Variants in JHY observed in about 807,000 individuals in gnomAD.
JHY encodes jhy protein homolog.
JHY carries 69 observed loss-of-function variants against 78.0 expected under a neutral mutation model. That is an observed-to-expected ratio of 0.88 (90% CI 0.73 to 1.08). The LOEUF is 1.08. JHY is among the 50% of genes least tolerant of loss of function. The probability of loss-of-function intolerance (pLI) is 0.00; values close to 1 mark genes in which losing one functional copy is unlikely to be tolerated. For synonymous variants in JHY, 368 were observed against 342.6 expected (o/e 1.07, Z -0.82); for missense variants, 944 against 927.8 (o/e 1.02, Z -0.23).
At chr11:122,958,642 C>A in intron 8 of JHY, 2 of 781,082 alleles carry the variant, frequency 2.6e-6, no homozygotes, top group Non-Finnish European at 3.1e-6. Context: ...GTTATAAAGG[C>A]AGGTTTAGGA....
At chr11:122,957,753 C>T (rs1864223270) in intron 8 of JHY, among the ~76,000 whole-genome samples, 2 of 150,636 alleles carry the variant, frequency 1.3e-5, no homozygotes, top group African/African-American at 4.9e-5. Flanking sequence ...TTAGCTACTT[C>T]CATTCCTGTA....
At chr11:122,945,674 A>G (rs1054534814) in intron 5 of JHY, among the ~76,000 whole-genome samples, 4 of 152,236 alleles carry the variant, frequency 2.6e-5, no homozygotes, top group East Asian at 3.8e-4. Flanking sequence ...GCCAGATACT[A>G]CAGAAGTATC....
chr11:122,883,269 C>A lies in JHY; in HGVS notation c.-90+297C>A, dbSNP rs1234227432. 6.6e-6 allele frequency among the ~76,000 whole-genome samples: 1 copy of A among 152,204 alleles called. No homozygotes were observed. The highest frequency in any genetic ancestry group is 1.9e-4 in the East Asian group (1 of 5,174). ...ACTTGTCACTTCCTGGACCTCCAAACGCCCCTTGTGACAGGCCTTGTTCCT... is the reference window on the plus strand; with the variant it reads ...ACTTGTCACTTCCTGGACCTCCAAAAGCCCCTTGTGACAGGCCTTGTTCCT... On this transcript the variant is annotated intron_variant, in intron 1 of 8. Transcript: ENST00000227349. This position sits in a 1 kb window ranked among gnomAD's most constrained non-coding sequence, Gnocchi z 4.4.
chr11:122,925,556 T>C (rs897525305), intron 4 of JHY, among the ~76,000 whole-genome samples: 1 of 152,156 alleles, frequency 6.6e-6, no homozygotes, highest in Non-Finnish European at 1.5e-5. Flanking sequence ...AGGGAAGATT[T>C]TTCTGAAATT....
chr11:122,919,970 G>A (rs900819020), intron 3 of JHY, among the ~76,000 whole-genome samples: 2 of 152,212 alleles, frequency 1.3e-5, no homozygotes, highest in Non-Finnish European at 2.9e-5. Flanking sequence ...CCTCTAAACA[G>A]CTGAATAATA....
intron 6 of JHY, among the ~76,000 whole-genome samples, chr11:122,955,764 T>C (rs556136780): frequency 1.3e-5 from 2 of 152,248 alleles, no homozygotes; most frequent in Admixed American, 1.3e-4. Flanking sequence ...AATTATCTTT[T>C]CCCCCCAATA....
At chr11:122,928,901 G>A (rs1485619734) in intron 4 of JHY, among the ~76,000 whole-genome samples, 1 of 151,870 alleles carries the variant, frequency 6.6e-6, no homozygotes, top group African/African-American at 2.4e-5. Context: ...GCCCGCCTCG[G>A]CCTCCCAAAG....
chr11:122,893,100 A>G (rs779817087), intron 2 of JHY, among the ~76,000 whole-genome samples: 3 of 152,186 alleles, frequency 2.0e-5, no homozygotes, highest in Admixed American at 6.5e-5. Context: ...CCAACCTCTT[A>G]CAATACATTA....
chr11:122,941,269 T>C (rs1863869791), intron 5 of JHY, among the ~76,000 whole-genome samples: 1 of 152,210 alleles, frequency 6.6e-6, no homozygotes, highest in Non-Finnish European at 1.5e-5. Flanking sequence ...CTGAACCTCT[T>C]TCTATAATTA....
At chr11:122,958,281 C>T (rs181046620) in intron 8 of JHY, among the ~76,000 whole-genome samples, 14 of 152,308 alleles carry the variant, frequency 9.2e-5, no homozygotes, top group Non-Finnish European at 1.9e-4. Flanking sequence ...GCATGAGGAA[C>T]AAGAGATCCT....
In JHY at chr11:122,960,202, C is replaced by G. The variant is rs1183875785; in HGVS notation, c.*757C>G. The stretch of plus-strand genomic sequence containing the variant: ...TGAGCCGAGATTGTACCATTGCACT[C>G]CAGCCTGGGCAACAAAGCAAGACTC... On this transcript the variant is annotated 3_prime_UTR_variant, in exon 9 of 9. Coordinates refer to ENST00000227349, the MANE Select transcript of JHY (RefSeq NM_024806.4). 6.5e-6 allele frequency: 1 copy of G among 152,764 alleles called. No homozygotes were observed. The highest frequency in any genetic ancestry group is 1.5e-5 in the Non-Finnish European group (1 of 68,516). 9.5% of individuals were successfully genotyped at this position (152,764 alleles called of 1,614,324 possible).
At chr11:122,940,821 CTCCT>C (rs5795359) in intron 5 of JHY, among the ~76,000 whole-genome samples, 53,204 of 150,006 alleles carry the variant, frequency 0.35, 9,812 homozygotes, top group African/African-American at 0.41. Flanking sequence ...CTTCCTTTTT[CTCCT>C]TCCTTCCTTC....
chr11:122,954,346 G>A (rs1269130302), intron 6 of JHY, among the ~76,000 whole-genome samples: 2 of 152,190 alleles, frequency 1.3e-5, no homozygotes, highest in African/African-American at 4.8e-5. Context: ...GTTCAGTGCT[G>A]AGGAGAATGT....
At chr11:122,908,784 C>T (rs1414455227) in intron 3 of JHY, among the ~76,000 whole-genome samples, 5 of 152,218 alleles carry the variant, frequency 3.3e-5, no homozygotes, top group South Asian at 2.1e-4. Flanking sequence ...TTGCAGCCTC[C>T]GCCTCCCAGG....
At chr11:122,931,104 G>A (rs535893587) in intron 4 of JHY, among the ~76,000 whole-genome samples, 4 of 152,176 alleles carry the variant, frequency 2.6e-5, no homozygotes, top group African/African-American at 7.2e-5. Context: ...CTAGTCACCC[G>A]AAAAGACCCC....
At chr11:122,953,389 G>A (rs185750274) in intron 6 of JHY, among the ~76,000 whole-genome samples, 62 of 152,122 alleles carry the variant, frequency 4.1e-4, no homozygotes, top group Non-Finnish European at 7.2e-4. Context: ...GATCACCTGA[G>A]GTCAGGAGTT....
At chr11:122,950,114 G>A (rs1490274830) in intron 6 of JHY, among the ~76,000 whole-genome samples, 1 of 152,152 alleles carries the variant, frequency 6.6e-6, no homozygotes, top group Non-Finnish European at 1.5e-5. Context: ...AATTACAGGT[G>A]TGAGCCACTG....
chr11:122,930,687 G>A (rs1020359270), intron 4 of JHY, among the ~76,000 whole-genome samples: 1 of 152,028 alleles, frequency 6.6e-6, no homozygotes, highest in Non-Finnish European at 1.5e-5. Flanking sequence ...GAATCGCTTC[G>A]CACTTGCCTG....
chr11:122,900,046 T>A (rs1393841698), intron 2 of JHY, among the ~76,000 whole-genome samples: 1 of 152,236 alleles, frequency 6.6e-6, no homozygotes, highest in Non-Finnish European at 1.5e-5. Context: ...CAGAGGCAGG[T>A]GACCCTGCAG....
Sources: gnomAD v4.1 joint callset for allele counts (sites outside exome capture counted in the v4.1 genomes callset) on GRCh38, gnomAD v4.1.1 for gene constraint, Gnocchi (gnomAD v3.1) non-coding constraint, MANE v1.5 for transcripts, NCBI Gene and HGNC (gene_info 2026-07-23, HGNC 2026-07-21) for gene names.